Variants in MPPED2 observed in about 807,000 individuals in gnomAD.
The protein encoded by MPPED2 is metallophosphoesterase MPPED2.
MPPED2 carries 5 observed loss-of-function variants against 33.0 expected under a neutral mutation model. The observed-to-expected ratio is 0.15, with a 90% confidence interval of 0.08 to 0.32. The LOEUF (loss-of-function observed/expected upper bound fraction) is 0.32, where lower values mean the gene tolerates loss of function less well. Ranked by LOEUF, MPPED2 falls within the 10% of genes least tolerant of loss-of-function variation. The pLI, the probability that MPPED2 is intolerant of heterozygous loss-of-function variation, is 1.00. For synonymous variants in MPPED2, 136 were observed against 141.9 expected (o/e 0.96, Z 0.29); for missense variants, 275 against 372.1 (o/e 0.74, Z 2.15).
chr11:30,543,615 C>G (rs935155952), intron 2 of MPPED2, among the ~76,000 whole-genome samples: 1 of 152,068 alleles, frequency 6.6e-6, no homozygotes, highest in Admixed American at 6.6e-5. Flanking sequence ...CACATATAAT[C>G]AGAATTAGCA....
intron 3 of MPPED2, chr11:30,504,695 T>A: frequency 9.7e-7 from 1 of 1,029,852 alleles, no homozygotes; most frequent in South Asian, 1.3e-5. Flanking sequence ...CAGGCTCCAT[T>A]AATTTTCACA....
intron 4 of MPPED2, among the ~76,000 whole-genome samples, chr11:30,418,454 A>G (rs1355047789): frequency 6.6e-6 from 1 of 152,222 alleles, no homozygotes. Flanking sequence ...CATTTAAGAT[A>G]CAAGTAATGG....
intron 5 of MPPED2, among the ~76,000 whole-genome samples, chr11:30,415,291 G>C (rs1948295431): frequency 6.6e-6 from 1 of 152,296 alleles, no homozygotes; most frequent in Non-Finnish European, 1.5e-5. Flanking sequence ...GAAAATAGAT[G>C]AAAGTGGGGT....
chr11:30,526,595 G>C (rs1308489460), intron 3 of MPPED2, among the ~76,000 whole-genome samples: 4 of 151,888 alleles, frequency 2.6e-5, no homozygotes, highest in Non-Finnish European at 5.9e-5. Flanking sequence ...ATCATAGGAA[G>C]AGTTAATCTT....
chr11:30,493,233 C>T (rs1003695085), intron 4 of MPPED2, among the ~76,000 whole-genome samples: 6 of 151,706 alleles, frequency 4.0e-5, no homozygotes, highest in Non-Finnish European at 5.9e-5. Flanking sequence ...TAGCCGGGCG[C>T]AGTGGCGGGC....
In MPPED2 at chr11:30,535,848, G is replaced by A. The variant is rs530165283; in HGVS notation, c.310+146C>T. 2.1e-5 allele frequency: 12 copies of A among 572,216 alleles called. No homozygotes were observed. The Admixed American group carries it at 3.0e-4, about 14-fold the overall frequency. The allele number at this position is 572,216 out of a possible 1,614,324, so 35.4% of individuals were successfully genotyped here. ...TCTAAAAATTCATCTTTAATTAACA[G>A]AATTGGATTAAAGCTAGACACCACC... On this transcript the variant is annotated intron_variant, in intron 3 of 6. Coordinates refer to ENST00000358117, the MANE Select transcript of MPPED2 (RefSeq NM_001584.3).
At chr11:30,471,068 A>C (rs1393751487) in intron 4 of MPPED2, among the ~76,000 whole-genome samples, 3 of 152,216 alleles carry the variant, frequency 2.0e-5, no homozygotes, top group African/African-American at 7.2e-5. Flanking sequence ...GAATCATTTA[A>C]TATTAGCCAG....
At chr11:30,519,133 T>A (rs978595020) in intron 3 of MPPED2, among the ~76,000 whole-genome samples, 10 of 151,726 alleles carry the variant, frequency 6.6e-5, no homozygotes, top group Non-Finnish European at 1.5e-4. Flanking sequence ...AATTAAAATA[T>A]TAGCCAGGCA....
intron 3 of MPPED2, among the ~76,000 whole-genome samples, chr11:30,507,288 A>G (rs1590630729): frequency 6.6e-6 from 1 of 152,224 alleles, no homozygotes; most frequent in Non-Finnish European, 1.5e-5. Flanking sequence ...CCATCAAATA[A>G]TATTTCTGAA....
At chr11:30,574,683 G>T (rs1452857200) in intron 2 of MPPED2, among the ~76,000 whole-genome samples, 1 of 152,040 alleles carries the variant, frequency 6.6e-6, no homozygotes, top group Non-Finnish European at 1.5e-5. Flanking sequence ...GAGTACAAAA[G>T]AAAATAGAAG....
chr11:30,485,470 C>T (rs142544810), intron 4 of MPPED2, among the ~76,000 whole-genome samples: 5 of 149,066 alleles, frequency 3.4e-5, no homozygotes, highest in African/African-American at 1.0e-4. Flanking sequence ...ACATGTGTAA[C>T]AAGGTAAATA....
chr11:30,434,537 T>G (rs947256731), intron 4 of MPPED2, among the ~76,000 whole-genome samples: 4 of 152,236 alleles, frequency 2.6e-5, no homozygotes, highest in African/African-American at 9.7e-5. Context: ...TATTGAGAAT[T>G]TTCTAATTTA....
At chr11:30,450,551 A>T (rs537690288) in intron 4 of MPPED2, among the ~76,000 whole-genome samples, 1 of 152,280 alleles carries the variant, frequency 6.6e-6, no homozygotes, top group East Asian at 1.9e-4. Context: ...GGGAACTGGG[A>T]TTTTTGACAA....
At chr11:30,586,611 A>G (rs995300545), upstream of MPPED2, 1 of 152,196 alleles carries the variant, frequency 6.6e-6, no homozygotes, top group Non-Finnish European at 1.5e-5. The surrounding 1 kb of genome is among the most constrained non-coding windows in gnomAD (Gnocchi z 4.8). Context: ...GTTCATCATC[A>G]TGAGTGCGAT....
At chr11:30,576,705 A>G (rs894321050) in intron 2 of MPPED2, among the ~76,000 whole-genome samples, 3 of 152,034 alleles carry the variant, frequency 2.0e-5, no homozygotes, top group Non-Finnish European at 2.9e-5. Context: ...CTTGGGAAAG[A>G]TGAAGGGGTT....
intron 3 of MPPED2, among the ~76,000 whole-genome samples, chr11:30,530,805 A>G (rs574939213): frequency 6.6e-6 from 1 of 152,334 alleles, no homozygotes; most frequent in South Asian, 2.1e-4. Flanking sequence ...CAACAGGGAC[A>G]AAATTGAGGG....
rs16920653 is a variant in MPPED2 at position 30,426,771 on chromosome 11, A to C, written c.537-9138T>G. The stretch of plus-strand genomic sequence containing the variant: ...GCTTGGGGAACATCAGAATGATGTG[A>C]AAATTAATCCAGCAGTTCCAAATGC... On this transcript the variant is annotated intron_variant, in intron 4 of 6. Coordinates refer to ENST00000358117, the MANE Select transcript of MPPED2 (RefSeq NM_001584.3). Among the ~76,000 whole-genome samples, 588 of 152,354 alleles carry C rather than the reference A, an allele frequency of 3.9e-3. 5 individuals are homozygous for C. The highest frequency in any genetic ancestry group is 0.013 in the African/African-American group (558 of 41,580).
intron 4 of MPPED2, among the ~76,000 whole-genome samples, chr11:30,444,727 G>A (rs940610527): frequency 1.3e-5 from 2 of 152,006 alleles, no homozygotes; most frequent in Non-Finnish European, 2.9e-5. Context: ...TGGTTTCTGA[G>A]AATCTTCCCC....
In MPPED2 at chr11:30,495,368, A is replaced by C. The variant is rs547790870; in HGVS notation, c.464T>G (p.Leu155Arg). 6.2e-7 allele frequency: 1 copy of C among 1,614,170 alleles called. No individual in the cohort carries two copies. The highest frequency in any genetic ancestry group is 2.2e-5 in the East Asian group (1 of 44,864). ...KPEDFDNVQSLLTNSIYLQDS... is the reference protein window; with the variant it reads ...KPEDFDNVQSRLTNSIYLQDS... ...TTGTAAGTAAATACTGTTTGTCAGG[A>C]GGGACTGAACATTGTCAAAGTCCTC... The change falls in exon 4 of 7, where the codon CTC becomes CGC. Residue 155 changes from leucine to arginine, a missense_variant. Physicochemically the swap from Leu to Arg is moderately radical, Grantham distance 102. Transcript: ENST00000358117.
Sources: allele counts gnomAD v4.1 joint callset (sites outside exome capture counted in the v4.1 genomes callset), GRCh38; gene constraint gnomAD v4.1.1; non-coding constraint Gnocchi (gnomAD v3.1); transcripts MANE v1.5; gene names NCBI Gene and HGNC (gene_info 2026-07-23, HGNC 2026-07-21).